The following MGAT4C variants were observed in gnomAD, a reference collection of about 807,000 sequenced individuals.
MGAT4C encodes MGAT4 family member C.
Under a neutral mutation model 40.1 loss-of-function variants are expected in MGAT4C, and 19 were observed. The observed-to-expected ratio is 0.47, with a 90% CI of 0.33 to 0.70. The LOEUF (loss-of-function observed/expected upper bound fraction) is 0.70, where lower values mean the gene tolerates loss of function less well. Ranked by LOEUF, MGAT4C falls within the 30% of genes least tolerant of loss-of-function variation. The probability of loss-of-function intolerance (pLI) is 0.02; values close to 1 mark genes in which losing one functional copy is unlikely to be tolerated. For synonymous variants in MGAT4C, 181 were observed against 187.1 expected (o/e 0.97, Z 0.27); for missense variants, 491 against 563.2 (o/e 0.87, Z 1.30).
chr12:86,248,629 C>G (rs949418905), intron 1 of MGAT4C, among the ~76,000 whole-genome samples: 8 of 152,062 alleles, frequency 5.3e-5, no homozygotes, highest in African/African-American at 1.9e-4. Flanking sequence ...TCTGTCATGC[C>G]TTTTCTGTCC....
At chr12:86,228,271 A>G (rs1001512829) in intron 1 of MGAT4C, among the ~76,000 whole-genome samples, 1 of 151,888 alleles carries the variant, frequency 6.6e-6, no homozygotes, top group African/African-American at 2.4e-5. Flanking sequence ...AGAGAGGATA[A>G]AACCAAAGGG....
intron 1 of MGAT4C, among the ~76,000 whole-genome samples, chr12:86,237,681 A>C (rs1166034940): frequency 1.3e-5 from 2 of 151,836 alleles, no homozygotes; most frequent in Non-Finnish European, 2.9e-5. Context: ...TGTTGCTGTA[A>C]GTTCTTTGAA....
Position 86,433,574 on chromosome 12 carries a change from C to T in MGAT4C, c.-120+1583G>A, listed in dbSNP as rs1454901759. ...GTAACATAGTTAATGACTTTTTTTC[C>T]CCTCAGCTCCCCTTTAAACTAGAAT... On this transcript the variant is annotated intron_variant, in intron 3 of 7. Transcript: ENST00000548651. 2.6e-5 allele frequency among the ~76,000 whole-genome samples: 4 copies of T among 151,544 alleles called. No homozygotes were observed. The South Asian group carries it at 6.2e-4, about 24-fold the overall frequency.
intron 2 of MGAT4C, among the ~76,000 whole-genome samples, chr12:86,495,677 C>T (rs1958223471): frequency 1.3e-5 from 2 of 151,862 alleles, no homozygotes; most frequent in Admixed American, 6.6e-5. Flanking sequence ...ATGGTGAAAC[C>T]GGCCTAATTA....
Position 86,558,835 on chromosome 12 carries a change from A to T in MGAT4C, c.-228-123570T>A, listed in dbSNP as rs375259965. Among the ~76,000 whole-genome samples, 196 of 152,092 alleles carry T rather than the reference A, an allele frequency of 1.3e-3. 4 individuals are homozygous for T. In the South Asian group the frequency reaches 0.035, roughly 27 times the overall value. ...AAAAGCTACACAAAACAATGAGAAAACAATTAACAAAATAATATAAATAAT... is the reference window on the plus strand; with the variant it reads ...AAAAGCTACACAAAACAATGAGAAATCAATTAACAAAATAATATAAATAAT... On this transcript the variant is annotated intron_variant, in intron 2 of 7. Coordinates refer to the MGAT4C transcript ENST00000548651.
chr12:86,133,696 C>T (rs1473023887), intron 1 of MGAT4C, among the ~76,000 whole-genome samples: 1 of 152,024 alleles, frequency 6.6e-6, no homozygotes, highest in African/African-American at 2.4e-5. Flanking sequence ...CAAGGAGCTG[C>T]AATTTACAAT....
chr12:86,702,079 G>A (rs1950372705), intron 2 of MGAT4C, among the ~76,000 whole-genome samples: 1 of 152,072 alleles, frequency 6.6e-6, no homozygotes, highest in Non-Finnish European at 1.5e-5. Flanking sequence ...GAAGAGTACA[G>A]TGGCATGACC....
chr12:86,672,256 A>G (rs1210943560), intron 2 of MGAT4C, among the ~76,000 whole-genome samples: 3 of 152,100 alleles, frequency 2.0e-5, no homozygotes, highest in East Asian at 1.9e-4. Flanking sequence ...AAACACACAT[A>G]CCAAAATCAA....
intron 3 of MGAT4C, among the ~76,000 whole-genome samples, chr12:86,345,703 G>C (rs1437817250): frequency 6.6e-6 from 1 of 152,126 alleles, no homozygotes; most frequent in Non-Finnish European, 1.5e-5. Flanking sequence ...GAATAGTGCT[G>C]CAATAAACAT....
intron 3 of MGAT4C, among the ~76,000 whole-genome samples, chr12:86,416,966 C>T (rs916058603): frequency 3.9e-5 from 6 of 152,016 alleles, no homozygotes; most frequent in Non-Finnish European, 5.9e-5. Context: ...AAACATGGCC[C>T]GCCACCACTT....
intron 2 of MGAT4C, among the ~76,000 whole-genome samples, chr12:86,453,115 T>A (rs1957454994): frequency 6.6e-6 from 1 of 152,174 alleles, no homozygotes; most frequent in South Asian, 2.1e-4. Flanking sequence ...TTTCTTCCTT[T>A]AAATGAGAAT....
At chr12:86,675,243 T>G (rs142963342) in intron 2 of MGAT4C, among the ~76,000 whole-genome samples, 2 of 152,286 alleles carry the variant, frequency 1.3e-5, no homozygotes, top group Middle Eastern at 3.4e-3. Flanking sequence ...ATGGAAACAT[T>G]TATTTTAATC....
chr12:86,072,166 C>T (rs1163352182), intron 1 of MGAT4C, among the ~76,000 whole-genome samples: 2 of 151,808 alleles, frequency 1.3e-5, no homozygotes, highest in South Asian at 2.1e-4. Context: ...GATGATAGAA[C>T]GGAGGGCAAA....
chr12:86,674,269 G>A (rs909613488), intron 2 of MGAT4C, among the ~76,000 whole-genome samples: 1 of 151,976 alleles, frequency 6.6e-6, no homozygotes, highest in African/African-American at 2.4e-5. Flanking sequence ...ATTACACATG[G>A]CTTATGATTT....
intron 1 of MGAT4C, among the ~76,000 whole-genome samples, chr12:86,817,457 C>T (rs1239038354): frequency 6.6e-6 from 1 of 151,464 alleles, no homozygotes; most frequent in Non-Finnish European, 1.5e-5. Context: ...TATTCTTCTA[C>T]ATCTGTTGGG....
intron 2 of MGAT4C, among the ~76,000 whole-genome samples, chr12:86,705,289 C>T (rs1296653437): frequency 1.3e-5 from 2 of 151,790 alleles, no homozygotes; most frequent in African/African-American, 4.8e-5. Flanking sequence ...CTATCCATTT[C>T]CCTCAAATGC....
At chr12:86,648,992 A>C (rs1274497788) in intron 2 of MGAT4C, among the ~76,000 whole-genome samples, 2 of 151,844 alleles carry the variant, frequency 1.3e-5, no homozygotes, top group Non-Finnish European at 2.9e-5. Context: ...TTAATCCATT[A>C]TAACAATTTT....
intron 2 of MGAT4C, among the ~76,000 whole-genome samples, chr12:86,621,423 A>C (rs1565888046): frequency 6.6e-6 from 1 of 152,104 alleles, no homozygotes; most frequent in Non-Finnish European, 1.5e-5. Flanking sequence ...TACTATATTG[A>C]GAGTATAGAT....
At chr12:86,521,162 G>A (rs1022812728) in intron 2 of MGAT4C, among the ~76,000 whole-genome samples, 1 of 152,082 alleles carries the variant, frequency 6.6e-6, no homozygotes, top group Non-Finnish European at 1.5e-5. Context: ...TGCCCAAAAT[G>A]GTATTGCCTA....
Sources: allele counts gnomAD v4.1 joint callset (sites outside exome capture counted in the v4.1 genomes callset), GRCh38; gene constraint gnomAD v4.1.1; transcripts MANE v1.5; gene names NCBI Gene and HGNC (gene_info 2026-07-23, HGNC 2026-07-21).